COG5: variants seen among roughly 807,000 people sequenced by gnomAD.
The protein encoded by COG5 is component of oligomeric golgi complex 5.
In COG5, 86 loss-of-function variants were observed where a neutral mutation model predicts 110.4. The ratio of observed to expected loss-of-function variants is 0.78; its 90% CI spans 0.65 to 0.93. The LOEUF (loss-of-function observed/expected upper bound fraction) is 0.93, where lower values mean the gene tolerates loss of function less well. Among genes scored for constraint, COG5 ranks in the 40% least tolerant of loss-of-function variants. The probability of loss-of-function intolerance (pLI) is 0.00; values close to 1 mark genes in which losing one functional copy is unlikely to be tolerated. For missense variants in COG5, 1,077 were observed against 987.0 expected, an observed-to-expected ratio of 1.09 and a Z score of -1.22; for synonymous variants, 360 against 334.6, an observed-to-expected ratio of 1.08 and a Z score of -0.83.
At chr7:107,287,933 T>C (rs1189754237) in intron 12 of COG5, among the ~76,000 whole-genome samples, 1 of 152,234 alleles carries the variant, frequency 6.6e-6, no homozygotes, top group East Asian at 1.9e-4. Context: ...AGACATTTGG[T>C]TGTTTCCATC....
chr7:107,494,661 GAC>G (rs1230180381), intron 6 of COG5, among the ~76,000 whole-genome samples: 1 of 152,128 alleles, frequency 6.6e-6, no homozygotes, highest in Non-Finnish European at 1.5e-5. Context: ...ATCACCTAAA[GAC>G]ACATTTCTCA....
intron 19 of COG5, 105 bp downstream of exon 19, chr7:107,230,510 G>T: frequency 1.2e-6 from 1 of 835,984 alleles, no homozygotes; most frequent in Non-Finnish European, 2.1e-6. Flanking sequence ...CATTGTTGTA[G>T]ATCAAAAATG....
intron 5 of COG5, among the ~76,000 whole-genome samples, chr7:107,547,840 A>G (rs963149900): frequency 1.3e-5 from 2 of 152,198 alleles, no homozygotes; most frequent in Non-Finnish European, 2.9e-5. Flanking sequence ...TGAAGCATCT[A>G]TACATTGAAA....
intron 11 of COG5, among the ~76,000 whole-genome samples, chr7:107,301,865 C>T (rs991906183): frequency 6.6e-6 from 1 of 151,194 alleles, no homozygotes; most frequent in Non-Finnish European, 1.5e-5. Flanking sequence ...TGAGACTCTG[C>T]CTCAAAAAAA....
chr7:107,259,627 T>C (rs977787419), intron 14 of COG5, among the ~76,000 whole-genome samples: 3 of 152,106 alleles, frequency 2.0e-5, no homozygotes, highest in Admixed American at 2.0e-4. Context: ...CTGACTATAA[T>C]GGGCATTTAA....
intron 6 of COG5, among the ~76,000 whole-genome samples, chr7:107,438,709 C>A (rs531860973): frequency 6.6e-6 from 1 of 152,126 alleles, no homozygotes; most frequent in East Asian, 1.9e-4. Context: ...TACAACCAAA[C>A]AATGGTACTT....
At chr7:107,325,003 C>A (rs991931137) in intron 10 of COG5, among the ~76,000 whole-genome samples, 1 of 152,072 alleles carries the variant, frequency 6.6e-6, no homozygotes, top group Admixed American at 6.6e-5. Flanking sequence ...CTGCTTACAA[C>A]ATGCTTGTTA....
intron 6 of COG5, among the ~76,000 whole-genome samples, chr7:107,483,221 G>A (rs986286461): frequency 2.0e-5 from 3 of 152,026 alleles, no homozygotes; most frequent in African/African-American, 4.8e-5. Context: ...ATGGTATTAC[G>A]GAAACACTAC....
intron 7 of COG5, among the ~76,000 whole-genome samples, chr7:107,395,084 T>A (rs1790889991): frequency 6.6e-6 from 1 of 152,218 alleles, no homozygotes; most frequent in Non-Finnish European, 1.5e-5. Context: ...CAACTGATTT[T>A]AACTGGAAAA....
intron 12 of COG5, among the ~76,000 whole-genome samples, chr7:107,294,966 C>T (rs1250116497): frequency 6.4e-5 from 8 of 125,436 alleles, no homozygotes; most frequent in South Asian, 2.5e-4. Flanking sequence ...TATATACACA[C>T]ATATATATAT....
chr7:107,345,195 A>G (rs1345379663), intron 10 of COG5, among the ~76,000 whole-genome samples: 1 of 152,138 alleles, frequency 6.6e-6, no homozygotes, highest in Non-Finnish European at 1.5e-5. Flanking sequence ...GCCATCTTAT[A>G]TGGGGGCGTT....
intron 5 of COG5, among the ~76,000 whole-genome samples, chr7:107,537,356 T>C (rs549080583): frequency 6.6e-6 from 1 of 152,322 alleles, no homozygotes; most frequent in South Asian, 2.1e-4. Context: ...CCATCAACGT[T>C]AGACTGGATA....
intron 17 of COG5, among the ~76,000 whole-genome samples, chr7:107,243,279 C>A (rs544151526): frequency 6.6e-6 from 1 of 151,772 alleles, no homozygotes; most frequent in Non-Finnish European, 1.5e-5. Flanking sequence ...CTTGGGAGGC[C>A]GAGACGGGTG....
intron 19 of COG5, among the ~76,000 whole-genome samples, chr7:107,211,694 G>A (rs906560874): frequency 9.2e-5 from 14 of 152,124 alleles, no homozygotes; most frequent in Non-Finnish European, 1.8e-4. Context: ...AGGCAAATAT[G>A]TCTTTGTATA....
chr7:107,305,532 A>G (rs1012773817), intron 11 of COG5, among the ~76,000 whole-genome samples: 5 of 152,140 alleles, frequency 3.3e-5, no homozygotes, highest in Admixed American at 1.3e-4. Flanking sequence ...AAACATACAT[A>G]TATTATATCA....
intron 7 of COG5, among the ~76,000 whole-genome samples, chr7:107,380,853 C>CA (rs879314732): frequency 0.011 from 1,638 of 149,814 alleles, 14 homozygotes; most frequent in Non-Finnish European, 0.016. Context: ...AGAGACACAA[C>CA]AACAAAAAAA....
chr7:107,511,614 A>T (rs1183113188), intron 6 of COG5, among the ~76,000 whole-genome samples: 1 of 152,228 alleles, frequency 6.6e-6, no homozygotes, highest in Non-Finnish European at 1.5e-5. Context: ...TTAGACCAAT[A>T]TCCTTGATGA....
chr7:107,343,908 T>A (rs565359859), intron 10 of COG5, among the ~76,000 whole-genome samples: 3 of 152,050 alleles, frequency 2.0e-5, no homozygotes, highest in Non-Finnish European at 4.4e-5. Flanking sequence ...ACAGTAGGCT[T>A]AAAATGTTCA....
chr7:107,379,329 G>A (rs1181390464), intron 7 of COG5, among the ~76,000 whole-genome samples: 1 of 152,148 alleles, frequency 6.6e-6, no homozygotes, highest in Admixed American at 6.6e-5. Context: ...ACCAAATTGT[G>A]AAGACCACGG....
Sources: gnomAD v4.1 joint callset for allele counts (sites outside exome capture counted in the v4.1 genomes callset) on GRCh38, gnomAD v4.1.1 for gene constraint, MANE v1.5 for transcripts, NCBI Gene and HGNC (gene_info 2026-07-23, HGNC 2026-07-21) for gene names.